Variants in PIERCE1 observed in about 807,000 individuals in gnomAD.
PIERCE1 encodes the protein piercer of microtubule wall 1.
At chr9:135,497,427 CTTGT>C in the PIERCE1 span, among the ~76,000 whole-genome samples, 5 of 145,794 alleles carry the variant, frequency 3.4e-5, no homozygotes, top group Non-Finnish European at 7.5e-5. Flanking sequence ...TGTTTGTTTG[CTTGT>C]TTGTTTTGGT....
chr9:135,499,832 C>T, the PIERCE1 span: 1 of 1,593,578 alleles, frequency 6.3e-7, no homozygotes, highest in South Asian at 1.1e-5. Context: ...CGCGCACGCT[C>T]TGGGGCATTC....
chr9:135,495,676 T>C, the PIERCE1 span: 1 of 1,414,342 alleles, frequency 7.1e-7, no homozygotes, highest in Non-Finnish European at 9.7e-7. Flanking sequence ...ATCCGTTGAA[T>C]ATTTTTGAAA....
At chr9:135,498,434 C>A in the PIERCE1 span, 1 of 637,246 alleles carries the variant, frequency 1.6e-6, no homozygotes. This position sits in a 1 kb window ranked among gnomAD's most constrained non-coding sequence, Gnocchi z 4.1. Flanking sequence ...GAACCTCCCT[C>A]CTCCCCATTT....
At chr9:135,498,286 G>GTC in the PIERCE1 span, among the ~76,000 whole-genome samples, 3 of 152,130 alleles carry the variant, frequency 2.0e-5, no homozygotes, top group African/African-American at 7.2e-5. The surrounding 1 kb of genome is among the most constrained non-coding windows in gnomAD (Gnocchi z 4.1). Context: ...GTGTGTGTGT[G>GTC]AGACTGCTGT....
chr9:135,496,825 T>A, the PIERCE1 span, among the ~76,000 whole-genome samples: 1 of 147,898 alleles, frequency 6.8e-6, no homozygotes, highest in Admixed American at 6.7e-5. Context: ...AGATGGAGTT[T>A]TTGCTCTAGT....
the PIERCE1 span, among the ~76,000 whole-genome samples, chr9:135,496,005 C>G: frequency 1.3e-5 from 2 of 152,194 alleles, no homozygotes; most frequent in Non-Finnish European, 2.9e-5. Flanking sequence ...AAATGATATC[C>G]ATGTCAGTGG....
At chr9:135,498,475 G>A in the PIERCE1 span, 3 of 879,026 alleles carry the variant, frequency 3.4e-6, no homozygotes, top group South Asian at 1.6e-5. This position sits in a 1 kb window ranked among gnomAD's most constrained non-coding sequence, Gnocchi z 4.1. Flanking sequence ...TCCTCCCTGG[G>A]TGCACCCCTC....
the PIERCE1 span, among the ~76,000 whole-genome samples, chr9:135,496,859 G>A: frequency 6.7e-6 from 1 of 149,626 alleles, no homozygotes; most frequent in African/African-American, 2.5e-5. Context: ...GTGCAATGGC[G>A]CCATCTCAGC....
At chr9:135,498,744 C>T in the PIERCE1 span, 1 of 1,330,336 alleles carries the variant, frequency 7.5e-7, no homozygotes, top group Non-Finnish European at 1.1e-6. This position sits in a 1 kb window ranked among gnomAD's most constrained non-coding sequence, Gnocchi z 4.1. Flanking sequence ...GTTGACGGCA[C>T]TCCCCTGGAA....
At chr9:135,498,987 T>G in the PIERCE1 span, 2 of 315,420 alleles carry the variant, frequency 6.3e-6, no homozygotes, top group South Asian at 3.5e-5. This position sits in a 1 kb window ranked among gnomAD's most constrained non-coding sequence, Gnocchi z 4.1. Flanking sequence ...CTGGGTAACC[T>G]AGCTTGTCAG....
chr9:135,497,676 C>T, the PIERCE1 span, among the ~76,000 whole-genome samples: 1 of 152,288 alleles, frequency 6.6e-6, no homozygotes, highest in South Asian at 2.1e-4. Flanking sequence ...CCTCTCACCT[C>T]AGCCTCCCAA....
At chr9:135,497,942 A>G in the PIERCE1 span, among the ~76,000 whole-genome samples, 1 of 152,258 alleles carries the variant, frequency 6.6e-6, no homozygotes, top group Non-Finnish European at 1.5e-5. Flanking sequence ...TTCTCACCCC[A>G]GAATGGCTGG....
chr9:135,499,414 T>G, the PIERCE1 span: 1 of 650,078 alleles, frequency 1.5e-6, no homozygotes, highest in South Asian at 1.5e-5. Flanking sequence ...CGCAGCGGAG[T>G]TTCAGGGTAG....
At chr9:135,497,491 C>G in the PIERCE1 span, among the ~76,000 whole-genome samples, 1 of 152,004 alleles carries the variant, frequency 6.6e-6, no homozygotes, top group Non-Finnish European at 1.5e-5. Flanking sequence ...ATGATCAAGG[C>G]TGACTGCAGC....
chr9:135,496,388 C>T, the PIERCE1 span, among the ~76,000 whole-genome samples: 3 of 152,210 alleles, frequency 2.0e-5, no homozygotes, highest in Non-Finnish European at 2.9e-5. Flanking sequence ...AAGACAGCAT[C>T]ATTAGGTGAC....
At chr9:135,499,478 G>C in the PIERCE1 span, 2 of 714,212 alleles carry the variant, frequency 2.8e-6, no homozygotes, top group Non-Finnish European at 5.2e-6. Context: ...CCACAACTGG[G>C]CTTTCTCCCC....
the PIERCE1 span, among the ~76,000 whole-genome samples, chr9:135,496,945 C>T: frequency 6.6e-6 from 1 of 152,014 alleles, no homozygotes; most frequent in Non-Finnish European, 1.5e-5. Flanking sequence ...TACAGGCGCC[C>T]ACCACTATGC....
chr9:135,497,521 G>A, the PIERCE1 span, among the ~76,000 whole-genome samples: 7 of 152,174 alleles, frequency 4.6e-5, no homozygotes, highest in African/African-American at 7.2e-5. Context: ...CTGGGCTCAA[G>A]CAATCCTCCA....
chr9:135,499,153 T>G, the PIERCE1 span: 6 of 307,152 alleles, frequency 2.0e-5, no homozygotes, highest in Non-Finnish European at 3.2e-5. Context: ...ATAGCTTTAC[T>G]TTATACTCCT....
Sources: gnomAD v4.1 joint callset for allele counts (sites outside exome capture counted in the v4.1 genomes callset) on GRCh38, gnomAD v4.1.1 for gene constraint, Gnocchi (gnomAD v3.1) non-coding constraint, MANE v1.5 for transcripts, NCBI Gene and HGNC (gene_info 2026-07-23, HGNC 2026-07-21) for gene names.